SPIC: variants seen among roughly 807,000 people sequenced by gnomAD.
The protein encoded by SPIC is Spi-C transcription factor, also known as transcription factor Spi-C.
SPIC carries 9 observed loss-of-function variants against 16.7 expected under a neutral mutation model. That is an observed-to-expected ratio of 0.54 (90% CI 0.33 to 0.94). The LOEUF is 0.94. Ranked by LOEUF, SPIC falls within the 40% of genes least tolerant of loss-of-function variation. The pLI, the probability that SPIC is intolerant of heterozygous loss-of-function variation, is 0.03. For synonymous variants in SPIC, 97 were observed against 102.9 expected, an observed-to-expected ratio of 0.94 and a Z score of 0.35; for missense variants, 241 against 285.8, an observed-to-expected ratio of 0.84 and a Z score of 1.13.
chr12:101,486,331 C>A lies in SPIC; in HGVS notation c.320-13C>A, dbSNP rs368728458. On this transcript the variant is annotated splice_polypyrimidine_tract_variant and intron_variant, in intron 5 of 5. Transcript: ENST00000551346. The stretch of plus-strand genomic sequence containing the variant: ...GCCACGGTGGAGTTTGACCTTGTTT[C>A]CCTTCATTTTAGGCAGGAAGAAGCT... 1.3e-6 allele frequency: 2 copies of A among 1,592,056 alleles called. No individual in the cohort carries two copies. The highest frequency in any genetic ancestry group is 2.2e-5 in the East Asian group (1 of 44,642).
In SPIC at chr12:101,486,912, T is replaced by C. The variant is rs1432815280; in HGVS notation, c.*141T>C. On this transcript the variant is annotated 3_prime_UTR_variant, in exon 6 of 6. Coordinates refer to ENST00000551346, the MANE Select transcript of SPIC (RefSeq NM_152323.3). ...GCAAATACTAAAGAGGAAAAAAAAT[T>C]AACTTTATTGTTGCTTTTATCAAAG... is the stretch of plus-strand genomic sequence containing the variant. The C allele has an allele frequency of 4.4e-6, 3 of 676,196 alleles. No individual in the cohort carries two copies. The highest frequency in any genetic ancestry group is 6.9e-6 in the Non-Finnish European group (3 of 435,834). 41.9% of individuals were successfully genotyped at this position (676,196 alleles called of 1,614,324 possible).
intron 5 of SPIC, among the ~76,000 whole-genome samples, chr12:101,485,471 T>C (rs1313330529): frequency 6.6e-6 from 1 of 152,252 alleles, no homozygotes; most frequent in Non-Finnish European, 1.5e-5. Context: ...CATTGCATTG[T>C]TAAATGAATA....
At position 101,486,764 on chromosome 12, in the gene SPIC, A is replaced by AT. The variant is rs1212786657; in HGVS notation, c.742dup (p.Cys248LeufsTer50). 1.3e-6 allele frequency: 2 copies of AT among 1,550,640 alleles called. No homozygotes were observed. The highest frequency in any genetic ancestry group is 2.7e-5 in the African/African-American group (2 of 72,958). On this transcript the variant is annotated frameshift_variant, in exon 6 of 6. Transcript: ENST00000551346. LOFTEE classifies it high-confidence loss of function. Reference sequence around the variant, plus strand: ...AATTACCATGAGCTAAATCACCATGATTGCTAAATATACTTTCATATTTCA... The same window carrying AT: ...AATTACCATGAGCTAAATCACCATGATTTGCTAAATATACTTTCATATTTCA...
rs748422262 is a variant in SPIC at position 101,486,733 on chromosome 12, T to C, written c.709T>C (p.Tyr237His). Reference protein sequence around the residue: ...NNWNANYNYTYANYHELNHHD... With the variant: ...NNWNANYNYTHANYHELNHHD... ...CTGGAATGCAAATTATAATTATACATATGCCAATTACCATGAGCTAAATCA... is the reference window on the plus strand; with the variant it reads ...CTGGAATGCAAATTATAATTATACACATGCCAATTACCATGAGCTAAATCA... Residue 237 changes from tyrosine to histidine, a missense_variant, in exon 6 of 6, where the codon TAT becomes CAT. Coordinates refer to ENST00000551346, the MANE Select transcript of SPIC (RefSeq NM_152323.3). 1.3e-6 allele frequency: 2 copies of C among 1,594,646 alleles called. No individual in the cohort carries two copies. The highest frequency in any genetic ancestry group is 1.1e-5 in the South Asian group (1 of 88,866).
intron 5 of SPIC, among the ~76,000 whole-genome samples, 186 bp downstream of exon 5, chr12:101,483,086 G>GTTTTTTTTT (rs58442228): frequency 3.9e-5 from 5 of 129,096 alleles, no homozygotes; most frequent in Non-Finnish European, 6.5e-5. Flanking sequence ...GACTTCCTGT[G>GTTTTTTTTT]TTTTTTTTTT....
chr12:101,482,402 A>G (rs554762432), intron 4 of SPIC, among the ~76,000 whole-genome samples: 1 of 151,924 alleles, frequency 6.6e-6, no homozygotes, highest in East Asian at 1.9e-4. Context: ...TATTGTTTTC[A>G]TTACTTATTT....
chr12:101,479,351 G>GAAAGAAAGAA (rs1336803369), intron 3 of SPIC, among the ~76,000 whole-genome samples: 1 of 150,476 alleles, frequency 6.6e-6, no homozygotes, highest in Non-Finnish European at 1.5e-5. Flanking sequence ...AAGAAAGAAA[G>GAAAGAAAGAA]AAAGAAATCA....
intron 4 of SPIC, among the ~76,000 whole-genome samples, chr12:101,481,713 C>T (rs1873203930): frequency 6.6e-6 from 1 of 151,328 alleles, no homozygotes; most frequent in African/African-American, 2.4e-5. Flanking sequence ...AGGGTTTTAC[C>T]ATGTTGGCCA....
chr12:101,484,179 T>G (rs1347380898), intron 5 of SPIC, among the ~76,000 whole-genome samples: 1 of 150,778 alleles, frequency 6.6e-6, no homozygotes, highest in Non-Finnish European at 1.5e-5. Flanking sequence ...TACAAGTATA[T>G]GCATATCCTT....
At chr12:101,482,009 G>A (rs1424286934) in intron 4 of SPIC, among the ~76,000 whole-genome samples, 7 of 139,250 alleles carry the variant, frequency 5.0e-5, no homozygotes, top group African/African-American at 1.3e-4. Context: ...TTGGGAGGCC[G>A]AGGCAGGTGG....
At position 101,479,212 on chromosome 12, in the gene SPIC, GA is replaced by G. The variant is rs1270097238; in HGVS notation, c.98-367del. 3.7e-3 allele frequency among the ~76,000 whole-genome samples: 446 copies of G among 119,844 alleles called. 8 individuals are homozygous for G. The highest frequency in any genetic ancestry group is 0.012 in the Middle Eastern group (3 of 256). The allele number at this position is 119,844 out of a possible 152,430, so 78.6% of individuals were successfully genotyped here. On this transcript the variant is annotated intron_variant, in intron 3 of 5. Coordinates refer to ENST00000551346, the MANE Select transcript of SPIC (RefSeq NM_152323.3). ...AGAAAGAAAGAAAGAAAGAAAGAAA[GA>G]AAGAAAGAAGGAAAGAAAGAAAGAA...
At chr12:101,480,892 A>T (rs1384798797) in intron 4 of SPIC, among the ~76,000 whole-genome samples, 1 of 152,166 alleles carries the variant, frequency 6.6e-6, no homozygotes, top group Non-Finnish European at 1.5e-5. Context: ...TTCCACCTCC[A>T]CTTAGGGTTG....
intron 1 of SPIC, among the ~76,000 whole-genome samples, chr12:101,476,426 A>AT (rs923221166): frequency 1.3e-5 from 2 of 152,220 alleles, no homozygotes; most frequent in African/African-American, 4.8e-5. Flanking sequence ...CTCAGAAGGC[A>AT]ATATAACACC....
At chr12:101,479,474 A>G (rs1855968584) in intron 3 of SPIC, 108 bp from the exon 4 acceptor site, 3 of 766,112 alleles carry the variant, frequency 3.9e-6, no homozygotes, top group Non-Finnish European at 6.3e-6. Context: ...TGGCAAGAAA[A>G]CATAGATGAG....
chr12:101,479,244 A>G (rs5800470), intron 3 of SPIC, among the ~76,000 whole-genome samples: 3 of 102,542 alleles, frequency 2.9e-5, no homozygotes, highest in Admixed American at 9.9e-5. Flanking sequence ...AAGAAAGAAA[A>G]AGAAAGAAAG....
intron 3 of SPIC, among the ~76,000 whole-genome samples, chr12:101,479,180 G>GAAAGAAAA (rs1873064586): frequency 1.3e-5 from 1 of 79,142 alleles, no homozygotes; most frequent in African/African-American, 5.3e-5. Flanking sequence ...GAAAAAGAAA[G>GAAAGAAAA]AAAGAAAGAA....
intron 3 of SPIC, among the ~76,000 whole-genome samples, chr12:101,479,204 GAAAGAAAGAAAGAAAGAAGGAAA>G (rs1873069535): frequency 8.6e-6 from 1 of 116,716 alleles, no homozygotes; most frequent in South Asian, 2.9e-4. Context: ...AAGAAAGAAA[GAAAGAAAGAAAGAAAGAAGGAAA>G]GAAAGAAAGA....
chr12:101,478,033 C>CTTTTTTTTTTTTTT (rs71091502), intron 3 of SPIC, among the ~76,000 whole-genome samples: 9 of 137,706 alleles, frequency 6.5e-5, no homozygotes, highest in South Asian at 2.3e-4. Flanking sequence ...TTTCTTTTTT[C>CTTTTTTTTTTTTTT]TTTTTTTTTT....
chr12:101,476,300 A>G (rs965107776), intron 1 of SPIC, among the ~76,000 whole-genome samples: 2 of 152,166 alleles, frequency 1.3e-5, no homozygotes, highest in African/African-American at 4.8e-5. Context: ...AAAATTATAG[A>G]CGAGTTTTCT....
Sources: gnomAD v4.1 joint callset for allele counts (sites outside exome capture counted in the v4.1 genomes callset) on GRCh38, gnomAD v4.1.1 for gene constraint, MANE v1.5 for transcripts, NCBI Gene and HGNC (gene_info 2026-07-23, HGNC 2026-07-21) for gene names.